Variants in TMEM132D observed in about 807,000 individuals in gnomAD.
TMEM132D encodes the protein mature OL transmembrane protein.
TMEM132D carries 21 observed loss-of-function variants against 62.3 expected under a neutral mutation model. The observed-to-expected ratio is 0.34, with a 90% CI of 0.24 to 0.49. TMEM132D has a LOEUF of 0.49. Among genes scored for constraint, TMEM132D ranks in the 20% least tolerant of loss-of-function variants. The probability of loss-of-function intolerance (pLI) is 0.99; values close to 1 mark genes in which losing one functional copy is unlikely to be tolerated. For missense variants in TMEM132D, 1,346 were observed against 1,402.8 expected (o/e 0.96, Z 0.65); for synonymous variants, 621 against 575.6 (o/e 1.08, Z -1.13).
chr12:129,717,127 G>A (rs1026985417), intron 1 of TMEM132D, among the ~76,000 whole-genome samples: 36 of 152,270 alleles, frequency 2.4e-4, no homozygotes, highest in African/African-American at 5.3e-4. Flanking sequence ...AGCACAAAGC[G>A]CACTTGAGGC....
At chr12:129,169,606 G>A (rs1877663991) in intron 5 of TMEM132D, among the ~76,000 whole-genome samples, 1 of 152,134 alleles carries the variant, frequency 6.6e-6, no homozygotes, top group Non-Finnish European at 1.5e-5. Context: ...TCCCCTCTTA[G>A]CATGCAAATA....
chr12:129,334,958 A>G (rs938050455), intron 4 of TMEM132D, among the ~76,000 whole-genome samples: 29 of 151,636 alleles, frequency 1.9e-4, no homozygotes, highest in African/African-American at 6.5e-4. Flanking sequence ...ACTGCCTACC[A>G]CTCTTCTTAT....
chr12:129,515,230 C>T (rs114211811), intron 3 of TMEM132D, among the ~76,000 whole-genome samples: 1,587 of 152,272 alleles, frequency 0.01, 34 homozygotes, highest in African/African-American at 0.036. Flanking sequence ...GAAATCGAAA[C>T]GCTGTGTCTT....
chr12:129,694,796 C>T (rs982590220), intron 2 of TMEM132D, among the ~76,000 whole-genome samples: 5 of 152,170 alleles, frequency 3.3e-5, no homozygotes, highest in Non-Finnish European at 7.3e-5. Context: ...CTCACGAGGT[C>T]AGGAGATCGA....
intron 4 of TMEM132D, among the ~76,000 whole-genome samples, chr12:129,273,728 G>C (rs1199370041): frequency 4.6e-5 from 7 of 151,696 alleles, no homozygotes; most frequent in African/African-American, 1.7e-4. Flanking sequence ...GGTGCCCATG[G>C]ACATAAAGAT....
intron 5 of TMEM132D, among the ~76,000 whole-genome samples, chr12:129,177,959 T>C (rs899282916): frequency 6.6e-6 from 1 of 152,216 alleles, no homozygotes; most frequent in Non-Finnish European, 1.5e-5. Context: ...TGTGTGTTGT[T>C]CCCCTCCCTG....
intron 1 of TMEM132D, among the ~76,000 whole-genome samples, chr12:129,701,020 C>T (rs760018140): frequency 1.1e-4 from 16 of 152,058 alleles, no homozygotes; most frequent in Non-Finnish European, 2.2e-4. Context: ...AAGACTTGCT[C>T]TTTTTTTGAT....
intron 2 of TMEM132D, among the ~76,000 whole-genome samples, chr12:129,565,849 C>T (rs1361247142): frequency 6.6e-6 from 1 of 152,238 alleles, no homozygotes; most frequent in Non-Finnish European, 1.5e-5. Context: ...AGGACCCACA[C>T]TTCCCAGTGA....
chr12:129,627,520 A>G (rs1181282811), intron 2 of TMEM132D, among the ~76,000 whole-genome samples: 2 of 152,172 alleles, frequency 1.3e-5, no homozygotes, highest in Non-Finnish European at 2.9e-5. Context: ...CCCTGACTGT[A>G]TACAAAGTAT....
chr12:129,161,912 A>T (rs570180572), intron 5 of TMEM132D, among the ~76,000 whole-genome samples: 9 of 152,278 alleles, frequency 5.9e-5, no homozygotes, highest in Non-Finnish European at 1.3e-4. Context: ...TGACCCAGAG[A>T]GGGGGATTCC....
rs543802489 is a variant in TMEM132D, at chr12:129,209,611, G to A, written c.1352C>T (p.Pro451Leu). Residue 451 changes from proline (P) to leucine (L), a missense_variant, in exon 5 of 9, where the codon CCG (proline) becomes CTG (leucine). Coordinates refer to ENST00000422113, the MANE Select transcript of TMEM132D (RefSeq NM_133448.3). ...GTCCTCCACGGAGACCACTTTCACC[G>A]GGACGGCCACCGTCTTCCCCGTGAG... ...AILTGKTVAVPVKVVSVEDDG... is the reference protein window; with the variant it reads ...AILTGKTVAVLVKVVSVEDDG... The A allele has an allele frequency of 2.1e-5, 34 of 1,614,150 alleles. No homozygotes were observed. The highest frequency in any genetic ancestry group is 2.1e-5 in the Non-Finnish European group (25 of 1,180,012).
Position 129,479,136 on chromosome 12 carries a change from T to A in TMEM132D, c.1115+51923A>T, listed in dbSNP as rs143401692. ...GAGGACAAGAGTGTTCTCTAAATCA[T>A]TTTGAGCCCAACACAATTCCCAGTA... On this transcript the variant is annotated intron_variant, in intron 3 of 8. Transcript: ENST00000422113. Among the ~76,000 whole-genome samples, 281 of 152,300 alleles carry A rather than the reference T, an allele frequency of 1.8e-3. 1 individual carries two copies. The highest frequency in any genetic ancestry group is 6.7e-3 in the African/African-American group (278 of 41,578).
intron 2 of TMEM132D, among the ~76,000 whole-genome samples, chr12:129,618,649 T>C (rs1170351300): frequency 6.6e-6 from 1 of 152,246 alleles, no homozygotes; most frequent in Admixed American, 6.5e-5. Flanking sequence ...ATAAAGTCAC[T>C]GTGTATTTAA....
intron 1 of TMEM132D, among the ~76,000 whole-genome samples, chr12:129,851,696 T>C (rs1210116172): frequency 1.3e-5 from 2 of 152,180 alleles, no homozygotes; most frequent in African/African-American, 2.4e-5. Context: ...CAGCAGTGCA[T>C]GCTGCACACT....
chr12:129,534,491 T>C (rs1047807326), intron 2 of TMEM132D, among the ~76,000 whole-genome samples: 9 of 152,162 alleles, frequency 5.9e-5, no homozygotes, highest in African/African-American at 2.2e-4. Flanking sequence ...AGAATATGTA[T>C]ATATCATCAA....
At chr12:129,283,939 G>A (rs1266093794) in intron 4 of TMEM132D, among the ~76,000 whole-genome samples, 2 of 152,200 alleles carry the variant, frequency 1.3e-5, no homozygotes, top group African/African-American at 4.8e-5. Context: ...TTTGACCAAT[G>A]GAAAGCACTG....
chr12:129,444,016 C>T (rs1873019073), intron 3 of TMEM132D, among the ~76,000 whole-genome samples: 1 of 152,098 alleles, frequency 6.6e-6, no homozygotes, highest in Non-Finnish European at 1.5e-5. Context: ...GAAAGGACTC[C>T]CCTTTCCCCA....
rs531510710 is a variant in TMEM132D, at chr12:129,137,109, CCACCATCAT to C, written c.1444-52416_1444-52408del. Among the ~76,000 whole-genome samples the C allele has an allele frequency of 5.9e-3, 882 of 149,410 alleles. 29 individuals carry two copies. The highest frequency in any genetic ancestry group is 0.051 in the Admixed American group (757 of 14,920). The stretch of plus-strand genomic sequence containing the variant: ...ATTACTATCATCACCACCATCACCA[CCACCATCAT>C]CACCATCATCATCACCATCACTATC... On this transcript the variant is annotated intron_variant, in intron 5 of 8. Transcript: ENST00000422113.
chr12:129,725,944 G>A (rs916761714), intron 1 of TMEM132D, among the ~76,000 whole-genome samples: 3 of 152,192 alleles, frequency 2.0e-5, no homozygotes, highest in African/African-American at 7.2e-5. Context: ...TTTCTATGCA[G>A]ACGCAGGTCC....
Sources: gnomAD v4.1 joint callset for allele counts (sites outside exome capture counted in the v4.1 genomes callset) on GRCh38, gnomAD v4.1.1 for gene constraint, MANE v1.5 for transcripts, NCBI Gene and HGNC (gene_info 2026-07-23, HGNC 2026-07-21) for gene names.